Variants in DIP2C observed in about 807,000 individuals in gnomAD.
DIP2C encodes the protein disco-interacting protein 2 homolog C.
In DIP2C, 33 loss-of-function variants were observed where a neutral mutation model predicts 192.4. The ratio of observed to expected loss-of-function variants is 0.17; its 90% CI spans 0.13 to 0.23. The LOEUF (loss-of-function observed/expected upper bound fraction) is 0.23, where lower values mean the gene tolerates loss of function less well. Among genes scored for constraint, DIP2C ranks in the 10% least tolerant of loss-of-function variants. The pLI is 1.00. For synonymous variants in DIP2C, 979 were observed against 864.1 expected (o/e 1.13, Z -2.33); for missense variants, 1,537 against 2,110.1 (o/e 0.73, Z 5.32).
chr10:339,417 G>C (rs936893272), intron 29 of DIP2C, among the ~76,000 whole-genome samples: 1 of 152,096 alleles, frequency 6.6e-6, no homozygotes, highest in Non-Finnish European at 1.5e-5. Context: ...AAATTTCATC[G>C]CAACCTGGAC....
chr10:641,026 A>G (rs1242924784), intron 1 of DIP2C, among the ~76,000 whole-genome samples: 1 of 152,036 alleles, frequency 6.6e-6, no homozygotes, highest in Non-Finnish European at 1.5e-5. Flanking sequence ...CGTTAACCCC[A>G]TGGCTTCATT....
chr10:634,086 C>T (rs190664969), intron 1 of DIP2C, among the ~76,000 whole-genome samples: 2 of 152,336 alleles, frequency 1.3e-5, no homozygotes, highest in East Asian at 1.9e-4. Context: ...TCACATCCAC[C>T]TTGCCTAGTG....
intron 1 of DIP2C, among the ~76,000 whole-genome samples, chr10:559,821 C>CT (rs1202141422): frequency 6.6e-6 from 1 of 152,228 alleles, no homozygotes. Context: ...GCTGGGGCCC[C>CT]TGCTCAGGGT....
chr10:645,231 G>A (rs971890133), intron 1 of DIP2C, among the ~76,000 whole-genome samples: 6 of 152,284 alleles, frequency 3.9e-5, no homozygotes, highest in East Asian at 3.9e-4. Flanking sequence ...CCAGAGCTGA[G>A]TCTCCAGAAG....
chr10:457,107 TAGG>T (rs1168201945), intron 3 of DIP2C, among the ~76,000 whole-genome samples: 3 of 152,228 alleles, frequency 2.0e-5, no homozygotes, highest in Non-Finnish European at 4.4e-5. Context: ...TTGACAGATC[TAGG>T]AGGAGTTGCT....
chr10:640,705 G>A (rs192314026), intron 1 of DIP2C, among the ~76,000 whole-genome samples: 1 of 122,832 alleles, frequency 8.1e-6, no homozygotes, highest in Non-Finnish European at 1.6e-5. Flanking sequence ...GGCTGCGCGC[G>A]GGGAAGAGGC....
chr10:629,093 C>T (rs992768378), intron 1 of DIP2C, among the ~76,000 whole-genome samples: 6 of 152,146 alleles, frequency 3.9e-5, no homozygotes, highest in Admixed American at 3.3e-4. Flanking sequence ...GTGGGGCACT[C>T]GCTGTCTGGG....
chr10:539,722 G>A (rs1351952599), intron 1 of DIP2C, among the ~76,000 whole-genome samples: 1 of 152,194 alleles, frequency 6.6e-6, no homozygotes, highest in Non-Finnish European at 1.5e-5. Flanking sequence ...AGTCATTCCA[G>A]TAAGTTTATT....
chr10:284,216 C>T (rs1299758221), intron 34 of DIP2C, among the ~76,000 whole-genome samples: 1 of 152,096 alleles, frequency 6.6e-6, no homozygotes, highest in Non-Finnish European at 1.5e-5. Flanking sequence ...GGTCAAGTTC[C>T]AGGAAGTCAG....
At chr10:454,223 T>C (rs940353607) in intron 3 of DIP2C, among the ~76,000 whole-genome samples, 3 of 152,236 alleles carry the variant, frequency 2.0e-5, no homozygotes, top group Non-Finnish European at 4.4e-5. Context: ...GAAGGGCTTA[T>C]TCAGGATCAG....
intron 1 of DIP2C, among the ~76,000 whole-genome samples, chr10:648,047 GGGAAACTGAGTCCA>G (rs1855575936): frequency 6.6e-6 from 1 of 151,436 alleles, no homozygotes; most frequent in Non-Finnish European, 1.5e-5. Flanking sequence ...AGAGAACAGA[GGGAAACTGAGTCCA>G]CGTCCACATT....
intron 4 of DIP2C, among the ~76,000 whole-genome samples, chr10:427,125 G>A (rs1435295085): frequency 6.6e-6 from 1 of 152,246 alleles, no homozygotes; most frequent in South Asian, 2.1e-4. Context: ...GAAGTCAGAA[G>A]TGTAAAATCT....
chr10:359,163 C>T lies in DIP2C; in HGVS notation c.2795-1226G>A, dbSNP rs559951680. Among the ~76,000 whole-genome samples the T allele has an allele frequency of 1.3e-4, 20 of 152,254 alleles. No homozygotes were observed. The South Asian group carries it at 3.3e-3, about 25-fold the overall frequency. ...CGGATGAGCCCATCACCATGACAAC[C>T]GATGTCCCTCGGCTTCCCAAAAAGC... On this transcript the variant is annotated intron_variant, in intron 22 of 36. Transcript: ENST00000280886.
intron 29 of DIP2C, among the ~76,000 whole-genome samples, chr10:335,357 G>A (rs1427198601): frequency 6.6e-6 from 1 of 152,180 alleles, no homozygotes; most frequent in African/African-American, 2.4e-5. Flanking sequence ...CAACAAACAA[G>A]TCTATTTTCC....
intron 10 of DIP2C, among the ~76,000 whole-genome samples, chr10:396,299 G>A (rs1963980238): frequency 6.6e-6 from 1 of 152,186 alleles, no homozygotes; most frequent in Non-Finnish European, 1.5e-5. Context: ...ATAATAGGAT[G>A]GCATTTCTGC....
chr10:596,579 T>TA (rs1317004425), intron 1 of DIP2C, among the ~76,000 whole-genome samples: 2 of 147,188 alleles, frequency 1.4e-5, no homozygotes, highest in Non-Finnish European at 3.0e-5. Flanking sequence ...AGGTATCCTA[T>TA]AGGTACTTAT....
rs1968657226 is a variant in DIP2C at position 449,544 on chromosome 10, A to AGTATGT, written c.269-8549_269-8548insACATAC. ...AGAAAAGTGGTATGTGGCTTACTCC[A>AGTATGT]GGCTAAGGAGTGAGTAAGGCAGCCT... On this transcript the variant is annotated intron_variant, in intron 3 of 36. Coordinates refer to ENST00000280886, the MANE Select transcript of DIP2C (RefSeq NM_014974.3). Among the ~76,000 whole-genome samples, 6 of 147,826 alleles carry AGTATGT rather than the reference A, an allele frequency of 4.1e-5. No homozygotes were observed. In the South Asian group the frequency reaches 1.1e-3, roughly 27 times the overall value.
chr10:321,585 C>G (rs375577112), intron 31 of DIP2C, among the ~76,000 whole-genome samples: 1,829 of 129,764 alleles, frequency 0.014, 28 homozygotes, highest in African/African-American at 0.031. Context: ...GGGTGCGGGG[C>G]TCCAGCGAGA....
chr10:506,099 C>G (rs1379580432), intron 1 of DIP2C, among the ~76,000 whole-genome samples: 1 of 152,160 alleles, frequency 6.6e-6, no homozygotes, highest in African/African-American at 2.4e-5. Flanking sequence ...ATTCCCAGAA[C>G]CACCTCACAC....
Sources: gnomAD v4.1 joint callset for allele counts (sites outside exome capture counted in the v4.1 genomes callset) on GRCh38, gnomAD v4.1.1 for gene constraint, MANE v1.5 for transcripts, NCBI Gene and HGNC (gene_info 2026-07-23, HGNC 2026-07-21) for gene names.